VGLL4: variants seen among roughly 807,000 people sequenced by gnomAD.
VGLL4 encodes the protein vestigial like family member 4, also known as transcription cofactor vestigial-like protein 4.
In VGLL4, 7 loss-of-function variants were observed where a neutral mutation model predicts 21.0. That is an observed-to-expected ratio of 0.33 (90% CI 0.19 to 0.63). The LOEUF (loss-of-function observed/expected upper bound fraction) is 0.63. VGLL4 is among the 20% of genes least tolerant of loss of function. VGLL4 has a pLI of 0.78. For synonymous variants in VGLL4, 222 were observed against 173.2 expected (o/e 1.28, Z -2.21); for missense variants, 394 against 425.7 (o/e 0.93, Z 0.66).
rs146875108 is a variant in VGLL4 at position 11,586,842 on chromosome 3, C to T, written c.272+14991G>A. ...GCACAGGGATACCAGGAGGAGCCTG[C>T]GTGATGGAGAGAGGCCTGACATGCA... On this transcript the variant is annotated intron_variant, in intron 2 of 4. Coordinates refer to ENST00000430365, the MANE Select transcript of VGLL4 (RefSeq NM_001128219.3). Among the ~76,000 whole-genome samples, 477 of 152,202 alleles carry T rather than the reference C, an allele frequency of 3.1e-3. 2 individuals carry two copies. Among genetic ancestry groups the T allele is most frequent in the African/African-American group, 0.011 (457 of 41,536 alleles).
intron 2 of VGLL4, among the ~76,000 whole-genome samples, chr3:11,660,161 CAA>C (rs527661591): frequency 2.1e-4 from 24 of 116,594 alleles, no homozygotes; most frequent in African/African-American, 4.5e-4. Flanking sequence ...GACTCCATCT[CAA>C]AAAAAAAAAA....
At chr3:11,603,509 T>C (rs1341052722) in intron 1 of VGLL4, among the ~76,000 whole-genome samples, 1 of 151,496 alleles carries the variant, frequency 6.6e-6, no homozygotes, top group East Asian at 1.9e-4. Context: ...AAATATCCTT[T>C]CTAATTATCT....
At chr3:11,692,708 G>A (rs1455325629) in intron 2 of VGLL4, among the ~76,000 whole-genome samples, 1 of 151,366 alleles carries the variant, frequency 6.6e-6, no homozygotes, top group African/African-American at 2.4e-5. Context: ...AAAGGAGGAA[G>A]GAAGACAGAG....
chr3:11,611,079 G>A (rs1004703829), intron 1 of VGLL4, among the ~76,000 whole-genome samples: 1 of 144,926 alleles, frequency 6.9e-6, no homozygotes, highest in Non-Finnish European at 1.5e-5. Context: ...TGCTTCACTG[G>A]TTGAGGAAAA....
intron 1 of VGLL4, among the ~76,000 whole-genome samples, chr3:11,632,744 CTTCT>C (rs1210406936): frequency 6.6e-6 from 1 of 152,208 alleles, no homozygotes; most frequent in African/African-American, 2.4e-5. Context: ...CTGTAATTAT[CTTCT>C]TTATTTCCCT....
At chr3:11,671,305 C>T (rs556452962) in intron 2 of VGLL4, 2 of 1,581,656 alleles carry the variant, frequency 1.3e-6, no homozygotes, top group South Asian at 1.1e-5. Context: ...GTGCACAGGA[C>T]TCAGGGATTT....
At chr3:11,671,193 T>C in intron 2 of VGLL4, 1 of 1,509,530 alleles carries the variant, frequency 6.6e-7, no homozygotes. Context: ...AATACTATTT[T>C]GCAAATTAAT....
At chr3:11,596,780 T>C (rs1164095530) in intron 2 of VGLL4, among the ~76,000 whole-genome samples, 2 of 152,198 alleles carry the variant, frequency 1.3e-5, no homozygotes, top group Non-Finnish European at 2.9e-5. Context: ...TCAACACCTG[T>C]GGCTGGTGTC....
intron 2 of VGLL4, among the ~76,000 whole-genome samples, chr3:11,691,893 A>G (rs763792650): frequency 3.3e-5 from 5 of 151,786 alleles, no homozygotes; most frequent in Non-Finnish European, 7.4e-5. Context: ...GGCTGACAGC[A>G]CTGGAGATGT....
At chr3:11,583,969 T>C (rs1484867244) in intron 2 of VGLL4, among the ~76,000 whole-genome samples, 2 of 152,198 alleles carry the variant, frequency 1.3e-5, no homozygotes, top group African/African-American at 2.4e-5. Flanking sequence ...ATTAAACACA[T>C]ACAATCATTC....
intron 2 of VGLL4, among the ~76,000 whole-genome samples, chr3:11,694,984 T>A (rs1425862598): frequency 6.6e-6 from 1 of 152,126 alleles, no homozygotes; most frequent in Non-Finnish European, 1.5e-5. Flanking sequence ...CCCATTTTTA[T>A]GCTTTATATA....
intron 1 of VGLL4, among the ~76,000 whole-genome samples, chr3:11,608,433 C>T (rs746962160): frequency 6.6e-6 from 1 of 152,166 alleles, no homozygotes; most frequent in Non-Finnish European, 1.5e-5. Context: ...AATATTCCTT[C>T]AAATTTCCCC....
At chr3:11,617,711 T>C (rs972797433) in intron 1 of VGLL4, among the ~76,000 whole-genome samples, 2 of 152,218 alleles carry the variant, frequency 1.3e-5, no homozygotes, top group South Asian at 2.1e-4. Context: ...TTCGTATAAA[T>C]TGAGAAACTA....
At position 11,653,564 on chromosome 3, in the gene VGLL4, G is replaced by A. The variant is rs1001291599; in HGVS notation, c.64+49407C>T. Among the ~76,000 whole-genome samples the A allele has an allele frequency of 6.6e-6, 1 of 152,080 alleles. No homozygotes were observed. The highest frequency in any genetic ancestry group is 2.4e-5 in the African/African-American group (1 of 41,402). On this transcript the variant is annotated intron_variant, in intron 2 of 5. Transcript: ENST00000273038. The surrounding 1 kb of genome is among the most constrained non-coding windows in gnomAD (Gnocchi z 4.2). ...GGCATTTAGGTAGTTTCTACCTGGG[G>A]GTTATTATAAATAGTGCTGCTATGA... is the stretch of plus-strand genomic sequence containing the variant.
chr3:11,613,462 C>T (rs2075102040), intron 1 of VGLL4, among the ~76,000 whole-genome samples: 1 of 152,162 alleles, frequency 6.6e-6, no homozygotes, highest in Non-Finnish European at 1.5e-5. Flanking sequence ...ACACTCCGAG[C>T]CTCTAGAATG....
intron 2 of VGLL4, among the ~76,000 whole-genome samples, chr3:11,696,258 T>G (rs1156606270): frequency 1.3e-5 from 2 of 152,230 alleles, no homozygotes; most frequent in Non-Finnish European, 2.9e-5. Context: ...TGATCACAAG[T>G]AAACACAACT....
At chr3:11,603,090 G>T (rs1276635565) in intron 1 of VGLL4, among the ~76,000 whole-genome samples, 1 of 152,144 alleles carries the variant, frequency 6.6e-6, no homozygotes, top group Non-Finnish European at 1.5e-5. Context: ...ATCTTTGTTT[G>T]CCACCACTAA....
intron 1 of VGLL4, among the ~76,000 whole-genome samples, chr3:11,713,568 T>TTTTA (rs149323078): frequency 7.1e-6 from 1 of 140,294 alleles, no homozygotes; most frequent in East Asian, 2.0e-4. Flanking sequence ...TATATATTAT[T>TTTTA]TATATATATA....
intron 2 of VGLL4, among the ~76,000 whole-genome samples, chr3:11,693,400 G>A (rs1051991639): frequency 2.0e-5 from 3 of 151,980 alleles, no homozygotes; most frequent in South Asian, 2.1e-4. Context: ...AATGGTAGAC[G>A]ATTGGAATAC....
Sources: allele counts gnomAD v4.1 joint callset (sites outside exome capture counted in the v4.1 genomes callset), GRCh38; gene constraint gnomAD v4.1.1; non-coding constraint Gnocchi (gnomAD v3.1); transcripts MANE v1.5; gene names NCBI Gene and HGNC (gene_info 2026-07-23, HGNC 2026-07-21).